The following IL1RAPL1 variants were observed in gnomAD, a reference collection of about 807,000 sequenced individuals.
IL1RAPL1 encodes the protein interleukin-1 receptor accessory protein-like 1.
In IL1RAPL1, 3 loss-of-function variants were observed where a neutral mutation model predicts 48.4. That is an observed-to-expected ratio of 0.06 (90% CI 0.03 to 0.16). IL1RAPL1 has a LOEUF of 0.16. Ranked by LOEUF, IL1RAPL1 falls within the 10% of genes least tolerant of loss-of-function variation. The probability of loss-of-function intolerance (pLI) is 1.00; values close to 1 mark genes in which losing one functional copy is unlikely to be tolerated. For missense variants in IL1RAPL1, 349 were observed against 530.6 expected, an observed-to-expected ratio of 0.66 and a Z score of 3.36; for synonymous variants, 185 against 187.7, an observed-to-expected ratio of 0.99 and a Z score of 0.12.
chrX:29,226,376 T>C (rs201468424), intron 2 of IL1RAPL1, among the ~76,000 whole-genome samples: 276 of 110,771 alleles, frequency 2.5e-3, no homozygotes, highest in Non-Finnish European at 4.7e-3. Flanking sequence ...TCCACAGTTG[T>C]ATTTTGTTTT....
intron 5 of IL1RAPL1, among the ~76,000 whole-genome samples, chrX:29,596,669 A>G (rs1349116158): frequency 8.9e-6 from 1 of 111,947 alleles, no homozygotes; most frequent in Non-Finnish European, 1.9e-5. Context: ...CAATCCTATC[A>G]TCAGCAAGCA....
At chrX:29,121,861 A>G (rs909778189) in intron 2 of IL1RAPL1, among the ~76,000 whole-genome samples, 1 of 112,081 alleles carries the variant, frequency 8.9e-6, no homozygotes, top group African/African-American at 3.2e-5. Context: ...TATCCAGTCA[A>G]TTACTTCCAG....
At chrX:28,863,276 T>A (rs1921992667) in intron 2 of IL1RAPL1, among the ~76,000 whole-genome samples, 1 of 110,667 alleles carries the variant, frequency 9.0e-6, no homozygotes, top group Non-Finnish European at 1.9e-5. Flanking sequence ...CCGCATAGTA[T>A]CTCTTGCAAC....
intron 2 of IL1RAPL1, among the ~76,000 whole-genome samples, chrX:28,940,168 A>G (rs1451323211): frequency 9.0e-6 from 1 of 111,526 alleles, no homozygotes; most frequent in African/African-American, 3.2e-5. Flanking sequence ...CATACCTCTT[A>G]TTACCTTTTC....
At chrX:29,252,193 C>A (rs1194170482) in intron 2 of IL1RAPL1, among the ~76,000 whole-genome samples, 3 of 111,658 alleles carry the variant, frequency 2.7e-5, no homozygotes, top group Non-Finnish European at 5.6e-5. Flanking sequence ...TGCAGCACAC[C>A]AGCATGGCAC....
intron 1 of IL1RAPL1, among the ~76,000 whole-genome samples, chrX:28,607,577 A>C (rs770871002): frequency 1.8e-5 from 2 of 110,999 alleles, no homozygotes; most frequent in Admixed American, 9.7e-5. Flanking sequence ...AGAATGGCAA[A>C]CTCCACGTAA....
chrX:29,353,946 C>T (rs1933268545), intron 3 of IL1RAPL1, among the ~76,000 whole-genome samples: 1 of 108,295 alleles, frequency 9.2e-6, no homozygotes, highest in Non-Finnish European at 1.9e-5. Context: ...CTCATTGAAT[C>T]CTCAGAAAAC....
At chrX:28,788,871 A>T (rs1485922202) in intron 1 of IL1RAPL1, among the ~76,000 whole-genome samples, 1 of 111,811 alleles carries the variant, frequency 8.9e-6, no homozygotes, top group African/African-American at 3.2e-5. Context: ...AAATATTTTG[A>T]GGCAGACAGC....
intron 2 of IL1RAPL1, among the ~76,000 whole-genome samples, chrX:29,062,467 G>A (rs1258302931): frequency 1.8e-5 from 2 of 112,331 alleles, no homozygotes; most frequent in African/African-American, 6.5e-5. Flanking sequence ...GCCTTCGTGA[G>A]TCAGTGGTGA....
intron 6 of IL1RAPL1, among the ~76,000 whole-genome samples, chrX:29,916,120 G>T (rs1445552499): frequency 1.0e-5 from 1 of 97,317 alleles, no homozygotes; most frequent in African/African-American, 3.8e-5. Context: ...TGGTGTATAT[G>T]TGCCACATTT....
chrX:29,848,793 T>C (rs759542393), intron 6 of IL1RAPL1, among the ~76,000 whole-genome samples: 1 of 110,656 alleles, frequency 9.0e-6, no homozygotes, highest in African/African-American at 3.3e-5. Context: ...TGAGACAGAG[T>C]CTCACTCTGT....
At chrX:29,162,039 G>T (rs1929695229) in intron 2 of IL1RAPL1, among the ~76,000 whole-genome samples, 2 of 111,939 alleles carry the variant, frequency 1.8e-5, no homozygotes, top group South Asian at 7.4e-4. Flanking sequence ...AAAAAAGAAT[G>T]AGTTCATGTC....
In IL1RAPL1 at chrX:29,495,917, A is replaced by ACAACC. The variant is rs1250952287; in HGVS notation, c.703+96610_703+96614dup. Among the ~76,000 whole-genome samples the ACAACC allele has an allele frequency of 1.3e-3, 148 of 110,426 alleles. 3 individuals carry two copies. The Admixed American group carries it at 0.014, about 11-fold the overall frequency. On this transcript the variant is annotated intron_variant, in intron 5 of 10. Coordinates refer to ENST00000378993, the MANE Select transcript of IL1RAPL1 (RefSeq NM_014271.4). ...TCTGTCTGTCTGTCTCTCCCCTTGA[A>ACAACC]CAACCTGGTCCTTAATTCCAGGCCT...
chrX:29,465,740 A>G (rs776993887), intron 5 of IL1RAPL1, among the ~76,000 whole-genome samples: 5 of 111,264 alleles, frequency 4.5e-5, no homozygotes, highest in Non-Finnish European at 9.4e-5. Flanking sequence ...CTCAAACTCA[A>G]CTGCCCATTG....
In IL1RAPL1 at chrX:29,448,096, C is replaced by T. The variant is rs757323334; in HGVS notation, c.703+48788C>T. On this transcript the variant is annotated intron_variant, in intron 5 of 10. Transcript: ENST00000378993. ...ATTCTGGAGAGTTGGAATAACATTACGTCATAGGAGAGACTGAAAGTTAAT... is the reference window on the plus strand; with the variant it reads ...ATTCTGGAGAGTTGGAATAACATTATGTCATAGGAGAGACTGAAAGTTAAT... Among the ~76,000 whole-genome samples the T allele has an allele frequency of 5.4e-5, 6 of 111,946 alleles. No homozygotes were observed. In the South Asian group the frequency reaches 1.1e-3, roughly 21 times the overall value.
At chrX:29,506,824 C>T (rs1274874863) in intron 5 of IL1RAPL1, among the ~76,000 whole-genome samples, 1 of 110,427 alleles carries the variant, frequency 9.1e-6, no homozygotes, top group Admixed American at 9.6e-5. Flanking sequence ...TCTTCAGGTA[C>T]TCCTGATGTT....
At chrX:29,901,421 T>G (rs1323684119) in intron 6 of IL1RAPL1, among the ~76,000 whole-genome samples, 1 of 112,111 alleles carries the variant, frequency 8.9e-6, no homozygotes, top group Non-Finnish European at 1.9e-5. Context: ...AGGCAGTGTT[T>G]GGACAGGGTT....
At chrX:29,662,779 T>C (rs1925884895) in intron 5 of IL1RAPL1, among the ~76,000 whole-genome samples, 1 of 111,451 alleles carries the variant, frequency 9.0e-6, no homozygotes, top group Non-Finnish European at 1.9e-5. Context: ...TAAGTTACCT[T>C]GTATATGTTG....
chrX:29,562,769 C>T (rs543388349), intron 5 of IL1RAPL1, among the ~76,000 whole-genome samples: 1 of 112,092 alleles, frequency 8.9e-6, no homozygotes, highest in South Asian at 3.7e-4. Flanking sequence ...CTAAATCTCT[C>T]ACTAAACTTT....
Sources: gnomAD v4.1 joint callset for allele counts (sites outside exome capture counted in the v4.1 genomes callset) on GRCh38, gnomAD v4.1.1 for gene constraint, MANE v1.5 for transcripts, NCBI Gene and HGNC (gene_info 2026-07-23, HGNC 2026-07-21) for gene names.